The following LRFN5 variants were observed in gnomAD, a reference collection of about 807,000 sequenced individuals.
LRFN5 encodes the protein leucine rich repeat and fibronectin type III domain containing 5.
A neutral mutation model predicts 45.6 loss-of-function variants in LRFN5; 24 were observed. That is an observed-to-expected ratio of 0.53 (90% confidence interval 0.38 to 0.74). The LOEUF is 0.74. Ranked by LOEUF, LRFN5 falls within the 30% of genes least tolerant of loss-of-function variation. The pLI, the probability that LRFN5 is intolerant of heterozygous loss-of-function variation, is 0.00. For missense variants in LRFN5, 776 were observed against 861.5 expected (o/e 0.90, Z 1.24); for synonymous variants, 340 against 313.8 (o/e 1.08, Z -0.88).
intron 1 of LRFN5, among the ~76,000 whole-genome samples, chr14:41,691,200 A>T (rs907035870): frequency 3.3e-5 from 5 of 152,040 alleles, no homozygotes; most frequent in African/African-American, 1.2e-4. Flanking sequence ...CTCTATACTT[A>T]AATAATTGAT....
rs1891022807 is a variant in LRFN5, at chr14:41,898,918, T to C, written c.2100T>C (p.Asn700=). The part of the protein sequence containing the change: ...PTSKRAHIKP[N]ALLTNVDQIV... ...TGACACTGAACATTTTATTCCCAGA[T>C]GCTTTGCTGACTAATGTTGACCAGA... The change falls in exon 5 of 6, where the codon AAT becomes AAC. Residue 700 remains asparagine, a splice_region_variant and synonymous_variant. Transcript: ENST00000298119. 6.2e-7 allele frequency: 1 copy of C among 1,610,252 alleles called. No homozygotes were observed. Among genetic ancestry groups the C allele is most frequent in the East Asian group, 2.2e-5 (1 of 44,618 alleles).
At chr14:41,663,390 T>G (rs1423369774) in intron 1 of LRFN5, among the ~76,000 whole-genome samples, 4 of 151,944 alleles carry the variant, frequency 2.6e-5, no homozygotes, top group Non-Finnish European at 5.9e-5. Flanking sequence ...GACTTTGAGG[T>G]ATAGAAAGAG....
At chr14:41,672,115 C>CT (rs1271599652) in intron 1 of LRFN5, among the ~76,000 whole-genome samples, 1 of 152,080 alleles carries the variant, frequency 6.6e-6, no homozygotes, top group Non-Finnish European at 1.5e-5. Context: ...CTTCCTCTTT[C>CT]TGTTTATTTT....
intron 2 of LRFN5, among the ~76,000 whole-genome samples, chr14:41,845,599 T>A (rs903288572): frequency 6.6e-6 from 1 of 152,258 alleles, no homozygotes; most frequent in East Asian, 1.9e-4. Context: ...AAATCTGACA[T>A]CTAATTCTGA....
chr14:41,794,330 T>C (rs184884122), intron 2 of LRFN5, among the ~76,000 whole-genome samples: 5 of 152,178 alleles, frequency 3.3e-5, no homozygotes, highest in Admixed American at 3.3e-4. Flanking sequence ...AATATGACAT[T>C]TTATTCTTGT....
intron 2 of LRFN5, among the ~76,000 whole-genome samples, chr14:41,797,085 A>G (rs1313452106): frequency 6.6e-6 from 1 of 151,880 alleles, no homozygotes; most frequent in African/African-American, 2.4e-5. Flanking sequence ...CAAATCTTAA[A>G]TGTATATTAA....
At chr14:41,879,546 TA>T (rs1890302156) in intron 2 of LRFN5, among the ~76,000 whole-genome samples, 1 of 151,324 alleles carries the variant, frequency 6.6e-6, no homozygotes, top group Non-Finnish European at 1.5e-5. Flanking sequence ...TTGTTATATA[TA>T]AAATTATATA....
intron 1 of LRFN5, among the ~76,000 whole-genome samples, chr14:41,651,256 T>C (rs1215356219): frequency 1.3e-5 from 2 of 152,100 alleles, no homozygotes; most frequent in Admixed American, 1.3e-4. Context: ...TAAATGAATA[T>C]TAAAATTATG....
chr14:41,716,076 G>A (rs1013264248), intron 1 of LRFN5, among the ~76,000 whole-genome samples: 16 of 152,160 alleles, frequency 1.1e-4, no homozygotes, highest in African/African-American at 3.9e-4. Flanking sequence ...CACGGTCTAA[G>A]CTCTACCACA....
At chr14:41,677,159 G>A (rs921400417) in intron 1 of LRFN5, among the ~76,000 whole-genome samples, 1 of 152,174 alleles carries the variant, frequency 6.6e-6, no homozygotes, top group African/African-American at 2.4e-5. Flanking sequence ...AAATCTAGCA[G>A]AGATATGAGA....
chr14:41,689,135 T>C (rs1169825424), intron 1 of LRFN5, among the ~76,000 whole-genome samples: 1 of 151,760 alleles, frequency 6.6e-6, no homozygotes, highest in Non-Finnish European at 1.5e-5. Flanking sequence ...ATGATAATGA[T>C]AATGAATTTT....
At chr14:41,823,985 A>G (rs931296975) in intron 2 of LRFN5, among the ~76,000 whole-genome samples, 8 of 152,100 alleles carry the variant, frequency 5.3e-5, no homozygotes, top group African/African-American at 1.7e-4. Context: ...TGTATTTTGT[A>G]ATTCCTTCAA....
chr14:41,893,906 T>C (rs1890861022), intron 4 of LRFN5: 1 of 985,276 alleles, frequency 1.0e-6, no homozygotes, highest in Non-Finnish European at 1.2e-6. Flanking sequence ...ATAGATGAGG[T>C]CACATGTGGT....
chr14:41,740,580 G>A (rs948781879), intron 1 of LRFN5, among the ~76,000 whole-genome samples: 2 of 151,734 alleles, frequency 1.3e-5, no homozygotes, highest in African/African-American at 4.8e-5. Flanking sequence ...TATATTACAA[G>A]CCCACAGTTA....
At chr14:41,868,892 C>A (rs1951886) in intron 2 of LRFN5, among the ~76,000 whole-genome samples, 96,733 of 152,000 alleles carry the variant, frequency 0.64, 31,343 homozygotes, top group East Asian at 0.93. Flanking sequence ...ACCTTCAAAT[C>A]CTATATGTCC....
At chr14:41,859,142 G>C (rs1889575649) in intron 2 of LRFN5, among the ~76,000 whole-genome samples, 1 of 152,112 alleles carries the variant, frequency 6.6e-6, no homozygotes, top group Non-Finnish European at 1.5e-5. Context: ...ACCTTTGTCA[G>C]GTGAACAAGC....
At chr14:41,743,770 C>G (rs1884806037) in intron 1 of LRFN5, among the ~76,000 whole-genome samples, 1 of 152,036 alleles carries the variant, frequency 6.6e-6, no homozygotes. Context: ...ATACATAGAT[C>G]AAAACATCAC....
chr14:41,709,213 C>G (rs1375154734), intron 1 of LRFN5, among the ~76,000 whole-genome samples: 2 of 151,726 alleles, frequency 1.3e-5, no homozygotes, highest in African/African-American at 4.8e-5. Flanking sequence ...TATTTTATAT[C>G]TGTTGGATTG....
chr14:41,827,153 A>T (rs1036501976), intron 2 of LRFN5, among the ~76,000 whole-genome samples: 8 of 152,124 alleles, frequency 5.3e-5, no homozygotes, highest in African/African-American at 1.7e-4. Context: ...ATATCAAGTG[A>T]ATTAGTGTTG....
Sources: allele counts gnomAD v4.1 joint callset (sites outside exome capture counted in the v4.1 genomes callset), GRCh38; gene constraint gnomAD v4.1.1; transcripts MANE v1.5; gene names NCBI Gene and HGNC (gene_info 2026-07-23, HGNC 2026-07-21).